The following BAK1 variants were observed in gnomAD, a reference collection of about 807,000 sequenced individuals.
BAK1 encodes the protein BCL2 antagonist/killer 1, also known as bcl-2 homologous antagonist/killer.
BAK1 carries 19 observed loss-of-function variants against 24.7 expected under a neutral mutation model. That is an observed-to-expected ratio of 0.77 (90% confidence interval 0.54 to 1.13). BAK1 has a LOEUF of 1.13. Ranked by LOEUF, BAK1 falls within the 50% of genes most tolerant of loss-of-function variation. The pLI is 0.00. For synonymous variants in BAK1, 86 were observed against 107.3 expected (o/e 0.80, Z 1.23); for missense variants, 194 against 279.4 (o/e 0.69, Z 2.18).
intron 4 of BAK1, among the ~76,000 whole-genome samples, chr6:33,574,701 C>T (rs210137): frequency 0.18 from 27,611 of 152,158 alleles, 2,961 homozygotes; most frequent in East Asian, 0.46. Flanking sequence ...AAATCTACTC[C>T]GACACTGACT....
chr6:33,577,414 G>A lies in BAK1; in HGVS notation c.70+121C>T, dbSNP rs1041202896. The A allele has an allele frequency of 6.4e-6, 6 of 938,728 alleles. No individual in the cohort carries two copies. The South Asian group carries it at 7.8e-5, about 12-fold the overall frequency. 58.1% of individuals were successfully genotyped at this position (938,728 alleles called of 1,614,324 possible). On this transcript the variant is annotated intron_variant, in intron 2 of 5. Transcript: ENST00000374467. This position sits in a 1 kb window ranked among gnomAD's most constrained non-coding sequence, Gnocchi z 4.6. ...AGCCTCTGAGCCCGTGGGTGGGGAA[G>A]AGTATTCCCCACCCACAGTGGGTGA...
chr6:33,574,819 C>T (rs1176492226), intron 4 of BAK1, among the ~76,000 whole-genome samples: 2 of 152,214 alleles, frequency 1.3e-5, no homozygotes. Flanking sequence ...GGAAGCTTCA[C>T]GAAGGCAGTA....
chr6:33,575,026 C>A lies in BAK1; in HGVS notation c.350+272G>T, dbSNP rs1255703341. Among the ~76,000 whole-genome samples, 2 of 152,196 alleles carry A rather than the reference C, an allele frequency of 1.3e-5. No individual in the cohort carries two copies. Among genetic ancestry groups the A allele is most frequent in the Non-Finnish European group, 2.9e-5 (2 of 68,038 alleles). On this transcript the variant is annotated intron_variant, in intron 4 of 5. Transcript: ENST00000374467. This position sits in a 1 kb window ranked among gnomAD's most constrained non-coding sequence, Gnocchi z 6.3. ...TGGGCTGGGGAGCTGTGGGGGACGTCCCCACCTCAGGCCCCCTCTAGAGTC... is the reference window on the plus strand; with the variant it reads ...TGGGCTGGGGAGCTGTGGGGGACGTACCCACCTCAGGCCCCCTCTAGAGTC...
rs1762825050 is a variant in BAK1 at position 33,575,312 on chromosome 6, G to A, written c.336C>T (p.Thr112=). Residue 112 remains threonine, a synonymous_variant, in exon 4 of 6, where the codon ACC becomes ACT. Coordinates refer to ENST00000374467, the MANE Select transcript of BAK1 (RefSeq NM_001188.4). The surrounding 1 kb of genome is among the most constrained non-coding windows in gnomAD (Gnocchi z 6.3). ...GGCTGGGGTACCTGGTGGCAATCTT[G>A]GTGAAGTACTCATAGGCATTCTCTG... ...PTAENAYEYF[T]KIATSLFESG... 6.2e-7 allele frequency: 1 copy of A among 1,614,198 alleles called. No individual in the cohort carries two copies. Among genetic ancestry groups the A allele is most frequent in the Non-Finnish European group, 8.5e-7 (1 of 1,180,048 alleles).
Position 33,580,124 on chromosome 6 carries a change from G to A in BAK1, c.-131C>T, listed in dbSNP as rs1297134723. On this transcript the variant is annotated 5_prime_UTR_variant, in exon 1 of 6. Transcript: ENST00000374467. ...CTCCCAGGGGCTGAGTGGGAGCCCA[G>A]TTTCCAGGAATGGGCGTCAGTGCAT... is the stretch of plus-strand genomic sequence containing the variant. 1.3e-5 allele frequency: 2 copies of A among 152,352 alleles called. No homozygotes were observed. The highest frequency in any genetic ancestry group is 2.9e-5 in the Non-Finnish European group (2 of 68,086). 9.4% of individuals were successfully genotyped at this position (152,352 alleles called of 1,614,324 possible). A position where few individuals can be genotyped will look rare whatever the true frequency, so the allele number is the denominator to read the frequency against.
Position 33,575,123 on chromosome 6 carries a change from TG to T in BAK1, c.350+174del. On this transcript the variant is annotated intron_variant, in intron 4 of 5. Transcript: ENST00000374467. The surrounding 1 kb of genome is among the most constrained non-coding windows in gnomAD (Gnocchi z 6.3). ...TGAGCTAATGCCCAAAATACAAGTC[TG>T]GGACCCCGAAAGAGAAAAATAGGGG... 1.1e-6 allele frequency: 1 copy of T among 942,044 alleles called. No individual in the cohort carries two copies. The highest frequency in any genetic ancestry group is 1.7e-6 in the Non-Finnish European group (1 of 596,154). 58.4% of individuals were successfully genotyped at this position (942,044 alleles called of 1,614,324 possible).
chr6:33,577,705 G>A lies in BAK1; in HGVS notation c.-31-70C>T. 2 of 1,113,976 alleles carry A rather than the reference G, an allele frequency of 1.8e-6. No individual in the cohort carries two copies. The highest frequency in any genetic ancestry group is 2.6e-6 in the Non-Finnish European group (2 of 784,000). The allele number at this position is 1,113,976 out of a possible 1,614,324, so 69.0% of individuals were successfully genotyped here. A position where few individuals can be genotyped will look rare whatever the true frequency, so the allele number is the denominator to read the frequency against. ...ACCTGTGACTGGGGACCCCATACAG[G>A]TTGCCATGTCCACATAGGAGAGAGG... is the stretch of plus-strand genomic sequence containing the variant. On this transcript the variant is annotated intron_variant, in intron 1 of 5. Coordinates refer to ENST00000374467, the MANE Select transcript of BAK1 (RefSeq NM_001188.4). This position sits in a 1 kb window ranked among gnomAD's most constrained non-coding sequence, Gnocchi z 4.6.
At position 33,575,930 on chromosome 6, in the gene BAK1, T is replaced by C; in HGVS notation, c.71-2A>G. 2 of 1,614,068 alleles carry C rather than the reference T, an allele frequency of 1.2e-6. No homozygotes were observed. Among genetic ancestry groups the C allele is most frequent in the Non-Finnish European group, 1.7e-6 (2 of 1,179,966 alleles). ...CTGTGTCCTGGGCTACCTGCTCCTC[T>C]GAGGATCAAAGCTGGGAGTCAGGGA... On this transcript the variant is annotated splice_acceptor_variant, in intron 2 of 5. Transcript: ENST00000374467. LOFTEE classifies it high-confidence loss of function. The surrounding 1 kb of genome is among the most constrained non-coding windows in gnomAD (Gnocchi z 6.3).
rs1420181200 is a variant in BAK1 at position 33,578,945 on chromosome 6, G to A, written c.-32+1080C>T. Among the ~76,000 whole-genome samples the A allele has an allele frequency of 2.0e-5, 3 of 152,004 alleles. No homozygotes were observed. Among genetic ancestry groups the A allele is most frequent in the African/African-American group, 7.2e-5 (3 of 41,386 alleles). On this transcript the variant is annotated intron_variant, in intron 1 of 5. Transcript: ENST00000374467. This position sits in a 1 kb window ranked among gnomAD's most constrained non-coding sequence, Gnocchi z 4.8. ...TTCCGCTAGGCCTGGGAGTGTTTTC[G>A]AAAGTGCCCCAAGAGCTCTCAAGAA...
intron 4 of BAK1, chr6:33,574,419 G>A: frequency 6.7e-7 from 1 of 1,484,720 alleles, no homozygotes; most frequent in Non-Finnish European, 9.1e-7. Flanking sequence ...TGAGCTGGAT[G>A]CCACTGCTGG....
chr6:33,579,354 A>AC (rs1762898737), intron 1 of BAK1, among the ~76,000 whole-genome samples: 2 of 151,986 alleles, frequency 1.3e-5, no homozygotes, highest in South Asian at 4.2e-4. Context: ...TCAAAAAACA[A>AC]AAAAAAAGAG....
In BAK1 at chr6:33,575,748, T is replaced by G. The variant is rs935374957; in HGVS notation, c.206+45A>C. ...CTGCACAGAGACCCATGCGAGCTAC[T>G]GCCTCCCTGAAGATGTCCTTGTGGG... On this transcript the variant is annotated intron_variant, in intron 3 of 5. Transcript: ENST00000374467. This position sits in a 1 kb window ranked among gnomAD's most constrained non-coding sequence, Gnocchi z 6.3. The G allele has an allele frequency of 1.2e-6, 2 of 1,602,832 alleles. No individual in the cohort carries two copies. Among genetic ancestry groups the G allele is most frequent in the African/African-American group, 2.7e-5 (2 of 74,708 alleles).
intron 2 of BAK1, among the ~76,000 whole-genome samples, chr6:33,576,965 A>G (rs1198913536): frequency 2.6e-5 from 4 of 152,230 alleles, no homozygotes; most frequent in African/African-American, 9.6e-5. Flanking sequence ...AATGTGGGAA[A>G]CAAAATCTGA....
chr6:33,579,070 C>G (rs572591412), intron 1 of BAK1, among the ~76,000 whole-genome samples: 1 of 152,242 alleles, frequency 6.6e-6, no homozygotes, highest in Non-Finnish European at 1.5e-5. Context: ...TTCCTCTCCT[C>G]CACCTCTAGG....
Position 33,575,943 on chromosome 6 carries a change from T to C in BAK1, c.71-15A>G, listed in dbSNP as rs754713518. On this transcript the variant is annotated splice_polypyrimidine_tract_variant and intron_variant, in intron 2 of 5. Coordinates refer to ENST00000374467, the MANE Select transcript of BAK1 (RefSeq NM_001188.4). The surrounding 1 kb of genome is among the most constrained non-coding windows in gnomAD (Gnocchi z 6.3). ...TACCTGCTCCTCTGAGGATCAAAGC[T>C]GGGAGTCAGGGAGAGAGGGCCGAAC... 6.2e-7 allele frequency: 1 copy of C among 1,613,976 alleles called. No individual in the cohort carries two copies. The highest frequency in any genetic ancestry group is 1.1e-5 in the South Asian group (1 of 91,078).
chr6:33,577,451 G>A lies in BAK1; in HGVS notation c.70+84C>T. 1 of 1,306,712 alleles carries A rather than the reference G, an allele frequency of 7.7e-7. No homozygotes were observed. Among genetic ancestry groups the A allele is most frequent in the Non-Finnish European group, 1.0e-6 (1 of 973,316 alleles). The allele number at this position is 1,306,712 out of a possible 1,614,324, so 80.9% of individuals were successfully genotyped here. ...CCCACAGTGGGTGAACCGAGGCGAA[G>A]GAGCCTGCCTGAGTCCTGCTCCTTC... is the stretch of plus-strand genomic sequence containing the variant. On this transcript the variant is annotated intron_variant, in intron 2 of 5. Transcript: ENST00000374467. The surrounding 1 kb of genome is among the most constrained non-coding windows in gnomAD (Gnocchi z 4.6).
rs536238538 is a variant in BAK1, at chr6:33,573,573, C to T, written c.*230G>A. On this transcript the variant is annotated 3_prime_UTR_variant, in exon 6 of 6. Transcript: ENST00000374467. ...GGTCCCAGAGAGCTGAGGGAGGAGA[C>T]GGCCACAGCCCCTGGGCCCAGAGAG... 13 of 576,220 alleles carry T rather than the reference C, an allele frequency of 2.3e-5. No individual in the cohort carries two copies. In the South Asian group the frequency reaches 2.8e-4, roughly 13 times the overall value. 35.7% of individuals were successfully genotyped at this position (576,220 alleles called of 1,614,324 possible).
chr6:33,574,198 T>C lies in BAK1; in HGVS notation c.367A>G (p.Ile123Val). Residue 123 changes from isoleucine to valine, a missense_variant, in exon 5 of 6, where the codon ATC becomes GTC. Ile to Val is a conservative substitution (Grantham distance 29). Coordinates refer to ENST00000374467, the MANE Select transcript of BAK1 (RefSeq NM_001188.4). ...KIATSLFESG[I>V]NWGRVVALLG... ...AGAGCCACCACACGGCCCCAATTGA[T>C]GCCACTCTCAAACAGGCTGTGGGCA... The C allele has an allele frequency of 6.2e-7, 1 of 1,613,748 alleles. No individual in the cohort carries two copies. The highest frequency in any genetic ancestry group is 8.5e-7 in the Non-Finnish European group (1 of 1,179,844).
chr6:33,577,704 G>C lies in BAK1; in HGVS notation c.-31-69C>G, dbSNP rs1248672054. ...GACCTGTGACTGGGGACCCCATACA[G>C]GTTGCCATGTCCACATAGGAGAGAG... On this transcript the variant is annotated intron_variant, in intron 1 of 5. Coordinates refer to ENST00000374467, the MANE Select transcript of BAK1 (RefSeq NM_001188.4). The surrounding 1 kb of genome is among the most constrained non-coding windows in gnomAD (Gnocchi z 4.6). 1 of 1,116,108 alleles carries C rather than the reference G, an allele frequency of 9.0e-7. No individual in the cohort carries two copies. Among genetic ancestry groups the C allele is most frequent in the African/African-American group, 1.6e-5 (1 of 63,658 alleles). 69.1% of individuals were successfully genotyped at this position (1,116,108 alleles called of 1,614,324 possible). A position where few individuals can be genotyped will look rare whatever the true frequency, so the allele number is the denominator to read the frequency against.
Sources: gnomAD v4.1 joint callset for allele counts (sites outside exome capture counted in the v4.1 genomes callset) on GRCh38, gnomAD v4.1.1 for gene constraint, Gnocchi (gnomAD v3.1) non-coding constraint, MANE v1.5 for transcripts, NCBI Gene and HGNC (gene_info 2026-07-23, HGNC 2026-07-21) for gene names.